SCAPER: variants seen among roughly 807,000 people sequenced by gnomAD.
The protein encoded by SCAPER is S-phase cyclin A associated protein in the ER.
A neutral mutation model predicts 182.2 loss-of-function variants in SCAPER; 98 were observed. That is an observed-to-expected ratio of 0.54 (90% CI 0.46 to 0.64). SCAPER has a LOEUF of 0.64. Among genes scored for constraint, SCAPER ranks in the 30% least tolerant of loss-of-function variants. The pLI is 0.00. For missense variants in SCAPER, 1,432 were observed against 1,690.0 expected (o/e 0.85, Z 2.68); for synonymous variants, 605 against 564.6 (o/e 1.07, Z -1.01).
At chr15:76,662,375 C>T (rs896332980) in intron 21 of SCAPER, among the ~76,000 whole-genome samples, 51 of 152,040 alleles carry the variant, frequency 3.4e-4, no homozygotes, top group Middle Eastern at 3.4e-3. Context: ...GTTACAATAA[C>T]AACAACAAAA....
At chr15:76,879,613 A>G (rs570840873) in intron 2 of SCAPER, among the ~76,000 whole-genome samples, 12 of 152,310 alleles carry the variant, frequency 7.9e-5, no homozygotes, top group African/African-American at 2.9e-4. Flanking sequence ...GTGGAGGAAA[A>G]GCAATCAAAT....
chr15:76,753,303 C>T (rs576959969), intron 15 of SCAPER, among the ~76,000 whole-genome samples: 3 of 151,906 alleles, frequency 2.0e-5, no homozygotes, highest in Admixed American at 1.3e-4. Context: ...AAGAAAGGAG[C>T]TATTCACACA....
At chr15:76,634,847 G>T (rs1486037327) in intron 21 of SCAPER, among the ~76,000 whole-genome samples, 1 of 134,868 alleles carries the variant, frequency 7.4e-6, no homozygotes, top group African/African-American at 2.8e-5. Flanking sequence ...TTGGGTGTGG[G>T]TATTTGTGTG....
chr15:76,510,575 T>TA (rs1295536164), intron 23 of SCAPER, among the ~76,000 whole-genome samples: 4 of 151,966 alleles, frequency 2.6e-5, no homozygotes, highest in African/African-American at 2.4e-5. Flanking sequence ...GAATGGCTAT[T>TA]AAAAAAAATA....
chr15:76,836,369 C>T (rs2068953337), intron 5 of SCAPER, among the ~76,000 whole-genome samples: 1 of 152,182 alleles, frequency 6.6e-6, no homozygotes, highest in African/African-American at 2.4e-5. Flanking sequence ...AAATCAGATA[C>T]ATATAACAAT....
chr15:76,804,421 T>G, intron 6 of SCAPER, 112 bp downstream of exon 6: 1 of 634,866 alleles, frequency 1.6e-6, no homozygotes, highest in South Asian at 2.4e-5. Flanking sequence ...GCACCTGACT[T>G]TTAGATTTTT....
chr15:76,900,998 G>C (rs955826910), intron 1 of SCAPER, among the ~76,000 whole-genome samples: 1 of 151,234 alleles, frequency 6.6e-6, no homozygotes, highest in African/African-American at 2.5e-5. Context: ...ATACTTTAAT[G>C]TTGTCACAGG....
intron 23 of SCAPER, among the ~76,000 whole-genome samples, chr15:76,564,768 T>C (rs1233493802): frequency 1.3e-5 from 2 of 152,188 alleles, no homozygotes; most frequent in Non-Finnish European, 2.9e-5. Flanking sequence ...AACTTTAAAC[T>C]ATATTACAGG....
chr15:76,642,131 C>T (rs56193230), intron 21 of SCAPER, among the ~76,000 whole-genome samples: 58,042 of 151,982 alleles, frequency 0.38, 13,087 homozygotes, highest in Middle Eastern at 0.52. Flanking sequence ...CTCTTTACTG[C>T]GAAATGTTAT....
chr15:76,750,176 GAA>G (rs201584961), intron 15 of SCAPER, among the ~76,000 whole-genome samples: 1 of 147,634 alleles, frequency 6.8e-6, no homozygotes, highest in Non-Finnish European at 1.5e-5. Context: ...ATATCCATAT[GAA>G]AAAAAAAAAT....
intron 2 of SCAPER, among the ~76,000 whole-genome samples, chr15:76,879,101 T>C (rs1286063288): frequency 6.6e-6 from 1 of 152,182 alleles, no homozygotes; most frequent in Admixed American, 6.5e-5. Context: ...TCTCAACTTG[T>C]ACTATTCTTT....
intron 17 of SCAPER, among the ~76,000 whole-genome samples, chr15:76,726,619 T>A (rs2060614969): frequency 6.6e-6 from 1 of 151,882 alleles, no homozygotes; most frequent in African/African-American, 2.4e-5. Flanking sequence ...AAGAAATGAA[T>A]AAATAAAATG....
At chr15:76,802,034 A>G (rs909666929) in intron 6 of SCAPER, among the ~76,000 whole-genome samples, 47 of 152,280 alleles carry the variant, frequency 3.1e-4, no homozygotes, top group African/African-American at 1.1e-3. Flanking sequence ...TCCTCAACAC[A>G]GCCACCAATA....
intron 25 of SCAPER, among the ~76,000 whole-genome samples, chr15:76,466,859 T>C (rs2049705572): frequency 6.6e-6 from 1 of 152,090 alleles, no homozygotes; most frequent in Non-Finnish European, 1.5e-5. Context: ...ATCTCTTCCT[T>C]TCTCTGGTAT....
At chr15:76,787,216 T>C (rs921507171) in intron 8 of SCAPER, among the ~76,000 whole-genome samples, 1 of 152,128 alleles carries the variant, frequency 6.6e-6, no homozygotes, top group African/African-American at 2.4e-5. Flanking sequence ...GCAATCACTC[T>C]ACCCAATATT....
intron 2 of SCAPER, among the ~76,000 whole-genome samples, chr15:76,878,683 T>C (rs573196769): frequency 1.4e-4 from 21 of 152,168 alleles, no homozygotes; most frequent in Non-Finnish European, 2.8e-4. Flanking sequence ...ATCCTAGGAC[T>C]TTGGGAGGCC....
At chr15:76,648,868 C>T (rs766942922) in intron 21 of SCAPER, among the ~76,000 whole-genome samples, 1 of 152,162 alleles carries the variant, frequency 6.6e-6, no homozygotes, top group Non-Finnish European at 1.5e-5. Flanking sequence ...TCTTTGTCAC[C>T]ACATGTGCAG....
At chr15:76,722,527 G>A (rs2060312293) in intron 17 of SCAPER, among the ~76,000 whole-genome samples, 1 of 152,120 alleles carries the variant, frequency 6.6e-6, no homozygotes, top group African/African-American at 2.4e-5. Flanking sequence ...TGTACCTCTG[G>A]TAGAATTCGG....
chr15:76,491,624 T>C (rs1209238978), intron 24 of SCAPER, among the ~76,000 whole-genome samples: 1 of 152,092 alleles, frequency 6.6e-6, no homozygotes, highest in Non-Finnish European at 1.5e-5. Flanking sequence ...TTGGTATTAC[T>C]GGTTTTGTTT....
Sources: gnomAD v4.1 joint callset for allele counts (sites outside exome capture counted in the v4.1 genomes callset) on GRCh38, gnomAD v4.1.1 for gene constraint, MANE v1.5 for transcripts, NCBI Gene and HGNC (gene_info 2026-07-23, HGNC 2026-07-21) for gene names.